Variants in NIT2 observed in about 807,000 individuals in gnomAD.
NIT2 encodes nitrilase family member 2.
In NIT2, 46 loss-of-function variants were observed where a neutral mutation model predicts 42.7. The ratio of observed to expected loss-of-function variants is 1.08; its 90% CI spans 0.85 to 1.38. The LOEUF (loss-of-function observed/expected upper bound fraction) is 1.38. Ranked by LOEUF, NIT2 falls within the 40% of genes most tolerant of loss-of-function variation. The probability of loss-of-function intolerance (pLI) is 0.00; values close to 1 mark genes in which losing one functional copy is unlikely to be tolerated. For synonymous variants in NIT2, 123 were observed against 121.9 expected, an observed-to-expected ratio of 1.01 and a Z score of -0.06; for missense variants, 309 against 342.5, an observed-to-expected ratio of 0.90 and a Z score of 0.77.
At chr3:100,335,082 C>A (rs376608902) in intron 1 of NIT2, 1 of 480,656 alleles carries the variant, frequency 2.1e-6, no homozygotes, top group South Asian at 1.6e-5. Context: ...GGCTGATGGA[C>A]GTGTATTTCT....
intron 1 of NIT2, 97 bp from the exon 2 acceptor site, chr3:100,338,990 C>T: frequency 2.4e-6 from 2 of 836,086 alleles, no homozygotes; most frequent in South Asian, 2.7e-5. Flanking sequence ...AGATGTCCCC[C>T]CGGGGACATA....
At chr3:100,347,085 TTTTGTTTG>T (rs377243305) in intron 6 of NIT2, among the ~76,000 whole-genome samples, 1 of 152,074 alleles carries the variant, frequency 6.6e-6, no homozygotes, top group Admixed American at 6.6e-5. Context: ...ATTTGTTTTT[TTTTGTTTG>T]TTTGTTTGTT....
At chr3:100,342,110 A>G (rs1706162766) in intron 4 of NIT2, among the ~76,000 whole-genome samples, 1 of 151,978 alleles carries the variant, frequency 6.6e-6, no homozygotes, top group Non-Finnish European at 1.5e-5. Flanking sequence ...TTTTATCATT[A>G]TGAAATATCT....
At chr3:100,338,116 A>G (rs1706099516) in intron 1 of NIT2, among the ~76,000 whole-genome samples, 1 of 152,166 alleles carries the variant, frequency 6.6e-6, no homozygotes, top group Admixed American at 6.5e-5. Context: ...CATAAAAGCT[A>G]AAAGGGAACT....
At chr3:100,344,417 G>A (rs144310019) in intron 4 of NIT2, among the ~76,000 whole-genome samples, 1 of 152,322 alleles carries the variant, frequency 6.6e-6, no homozygotes, top group African/African-American at 2.4e-5. Context: ...AGGAGCTACT[G>A]TGTACCTGCT....
Position 100,345,648 on chromosome 3 carries a change from C to A in NIT2, c.400C>A (p.Pro134Thr), listed in dbSNP as rs1406521630. The A allele has an allele frequency of 1.9e-6, 3 of 1,612,774 alleles. No homozygotes were observed. Among genetic ancestry groups the A allele is most frequent in the Admixed American group, 3.3e-5 (2 of 60,004 alleles). Residue 134 changes from proline to threonine, a missense_variant, in exon 5 of 10, where the codon CCG becomes ACG. Transcript: ENST00000394140. Reference protein sequence around the residue: ...ITFQESKTLSPGDSFSTFDTP... With the variant: ...ITFQESKTLSTGDSFSTFDTP... ...ATTTCAAGAATCTAAAACATTGAGT[C>A]CGGGTGATAGTTTCTCCACATTTGA...
At position 100,341,063 on chromosome 3, in the gene NIT2, T is replaced by A. The variant is rs1559823268; in HGVS notation, c.248-10T>A. On this transcript the variant is annotated splice_polypyrimidine_tract_variant and intron_variant, in intron 3 of 9. Coordinates refer to ENST00000394140, the MANE Select transcript of NIT2 (RefSeq NM_020202.5). The stretch of plus-strand genomic sequence containing the variant: ...TTTTTCTTATGGTATGTTTCTTCTC[T>A]CAATGAAAGGCTCTATCCCTGAAGA... 6.3e-7 allele frequency: 1 copy of A among 1,589,898 alleles called. No individual in the cohort carries two copies. The highest frequency in any genetic ancestry group is 8.6e-7 in the Non-Finnish European group (1 of 1,158,016).
At chr3:100,348,640 A>G (rs911574651) in intron 6 of NIT2, among the ~76,000 whole-genome samples, 163 bp from the exon 7 acceptor site, 12 of 152,234 alleles carry the variant, frequency 7.9e-5, no homozygotes, top group Non-Finnish European at 1.6e-4. Flanking sequence ...AAAGGAATTC[A>G]GAGCCATATC....
At position 100,346,189 on chromosome 3, in the gene NIT2, A is replaced by G. The variant is rs1197556400; in HGVS notation, c.439A>G (p.Arg147Gly). The G allele has an allele frequency of 7.4e-6, 12 of 1,614,090 alleles. No homozygotes were observed. The highest frequency in any genetic ancestry group is 1.0e-5 in the Non-Finnish European group (12 of 1,179,944). Residue 147 changes from arginine to glycine, a missense_variant, in exon 6 of 10, where the codon AGA becomes GGA. Arg to Gly is a moderately radical substitution (Grantham distance 125). Coordinates refer to ENST00000394140, the MANE Select transcript of NIT2 (RefSeq NM_020202.5). The stretch of plus-strand genomic sequence containing the variant: ...TTTCTGTTTGGAAACAGCTTACTGC[A>G]GAGTGGGTCTGGGCATCTGCTACGA... ...SFSTFDTPYCRVGLGICYDMR... is the reference protein window; with the variant it reads ...SFSTFDTPYCGVGLGICYDMR...
At position 100,354,843 on chromosome 3, in the gene NIT2, G is replaced by C; in HGVS notation, c.739+16G>C. ...TCAGACATAGGTAAGATTTTCCTGG[G>C]CATGGTTTAGGTCTCTGATGTCCCC... On this transcript the variant is annotated intron_variant, in intron 9 of 9. Coordinates refer to ENST00000394140, the MANE Select transcript of NIT2 (RefSeq NM_020202.5). The C allele has an allele frequency of 1.2e-6, 2 of 1,608,224 alleles. No individual in the cohort carries two copies. The highest frequency in any genetic ancestry group is 1.7e-6 in the Non-Finnish European group (2 of 1,176,178).
At chr3:100,336,376 A>G (rs1309791395) in intron 1 of NIT2, among the ~76,000 whole-genome samples, 1 of 152,170 alleles carries the variant, frequency 6.6e-6, no homozygotes, top group Non-Finnish European at 1.5e-5. Context: ...CGTTAGGTGG[A>G]ACGAGAGACT....
At chr3:100,348,926 T>G (rs372006666) in intron 7 of NIT2, 45 bp downstream of exon 7, 2 of 1,558,636 alleles carry the variant, frequency 1.3e-6, no homozygotes, top group East Asian at 2.2e-5. Flanking sequence ...ATGTCCTCTT[T>G]GTAGAAAGAT....
At position 100,334,812 on chromosome 3, in the gene NIT2, CCG is replaced by C; in HGVS notation, c.7+20_7+21del. 1 of 1,299,440 alleles carries C rather than the reference CCG, an allele frequency of 7.7e-7. No individual in the cohort carries two copies. Among genetic ancestry groups the C allele is most frequent in the Middle Eastern group, 3.1e-4 (1 of 3,270 alleles). 80.5% of individuals were successfully genotyped at this position (1,299,440 alleles called of 1,614,324 possible). A position where few individuals can be genotyped will look rare whatever the true frequency, so the allele number is the denominator to read the frequency against. The stretch of plus-strand genomic sequence containing the variant: ...GAGTCATGACCTGTAAGTGGCGCGG[CCG>C]CGCGCTGCAGCTCGAGTTCGGGCCG... On this transcript the variant is annotated intron_variant, in intron 1 of 9. Coordinates refer to ENST00000394140, the MANE Select transcript of NIT2 (RefSeq NM_020202.5).
In NIT2 at chr3:100,339,907, A is replaced by G; in HGVS notation, c.219A>G (p.Ala73=). The change falls in exon 3 of 10, where the codon GCA becomes GCG. Residue 73 remains alanine, a synonymous_variant. Coordinates refer to ENST00000394140, the MANE Select transcript of NIT2 (RefSeq NM_020202.5). Reference sequence around the variant, plus strand: ...CCACACAGAAGCTTTCTGAAGTAGCAAAGGAATGCAGCATATATCTCATTG... The same window carrying G: ...CCACACAGAAGCTTTCTGAAGTAGCGAAGGAATGCAGCATATATCTCATTG... ...GESTQKLSEV[A]KECSIYLIGG... The G allele has an allele frequency of 6.2e-7, 1 of 1,613,900 alleles. No individual in the cohort carries two copies. The highest frequency in any genetic ancestry group is 1.1e-5 in the South Asian group (1 of 91,032).
intron 3 of NIT2, among the ~76,000 whole-genome samples, chr3:100,340,688 CA>C (rs1354889440): frequency 1.3e-5 from 2 of 152,098 alleles, no homozygotes; most frequent in Non-Finnish European, 2.9e-5. Flanking sequence ...TCAAGTTAAG[CA>C]ATGGGAAATT....
In NIT2 at chr3:100,360,454, A is replaced by G. The variant is rs1706368801; in HGVS notation, c.*5186A>G. On this transcript the variant is annotated 3_prime_UTR_variant, in exon 10 of 10. Transcript: ENST00000394140. ...CCCCATCTCTACTAAAAATACAAAA[A>G]TTAGCCGGGTGTGGTGGCACATGCC... 1 of 152,434 alleles carries G rather than the reference A, an allele frequency of 6.6e-6. No individual in the cohort carries two copies. Among genetic ancestry groups the G allele is most frequent in the Admixed American group, 6.5e-5 (1 of 15,278 alleles). The allele number at this position is 152,434 out of a possible 1,614,324, so 9.4% of individuals were successfully genotyped here.
intron 6 of NIT2, among the ~76,000 whole-genome samples, chr3:100,347,642 C>T (rs1414902254): frequency 6.6e-6 from 1 of 152,092 alleles, no homozygotes; most frequent in Non-Finnish European, 1.5e-5. Flanking sequence ...GTCGCCCAGG[C>T]TTTCCGTCCT....
Position 100,360,864 on chromosome 3 carries a change from G to C in NIT2, c.*5596G>C, listed in dbSNP as rs1706374701. 1 of 152,192 alleles carries C rather than the reference G, an allele frequency of 6.6e-6. No homozygotes were observed. The highest frequency in any genetic ancestry group is 6.5e-5 in the Admixed American group (1 of 15,280). The allele number at this position is 152,192 out of a possible 1,614,324, so 9.4% of individuals were successfully genotyped here. A position where few individuals can be genotyped will look rare whatever the true frequency, so the allele number is the denominator to read the frequency against. On this transcript the variant is annotated 3_prime_UTR_variant, in exon 10 of 10. Coordinates refer to ENST00000394140, the MANE Select transcript of NIT2 (RefSeq NM_020202.5). ...TTCCTCTGGATCATAGGACAGGTTTGTTTACTATCTGATACAGTCAAAATA... is the reference window on the plus strand; with the variant it reads ...TTCCTCTGGATCATAGGACAGGTTTCTTTACTATCTGATACAGTCAAAATA...
Position 100,355,354 on chromosome 3 carries a change from T to G in NIT2, c.*86T>G. On this transcript the variant is annotated 3_prime_UTR_variant, in exon 10 of 10. Coordinates refer to ENST00000394140, the MANE Select transcript of NIT2 (RefSeq NM_020202.5). ...CCTATTAAATTCTTTAATGAAGATT[T>G]TTTTTTTAATTCGGCCTTGTCCTTC... The G allele has an allele frequency of 9.5e-7, 1 of 1,052,916 alleles. No homozygotes were observed. Among genetic ancestry groups the G allele is most frequent in the Admixed American group, 2.5e-5 (1 of 40,216 alleles). 65.2% of individuals were successfully genotyped at this position (1,052,916 alleles called of 1,614,324 possible).
Sources: gnomAD v4.1 joint callset for allele counts (sites outside exome capture counted in the v4.1 genomes callset) on GRCh38, gnomAD v4.1.1 for gene constraint, MANE v1.5 for transcripts, NCBI Gene and HGNC (gene_info 2026-07-23, HGNC 2026-07-21) for gene names.